Variants in DYRK1A observed in about 807,000 individuals in gnomAD.
DYRK1A encodes dual specificity tyrosine phosphorylation regulated kinase 1A.
Under a neutral mutation model 79.7 loss-of-function variants are expected in DYRK1A, and 9 were observed. The ratio of observed to expected loss-of-function variants is 0.11; its 90% confidence interval spans 0.07 to 0.20. The LOEUF (loss-of-function observed/expected upper bound fraction) is 0.20, where lower values mean the gene tolerates loss of function less well. Among genes scored for constraint, DYRK1A ranks in the 10% least tolerant of loss-of-function variants. The probability of loss-of-function intolerance (pLI) is 1.00; values close to 1 mark genes in which losing one functional copy is unlikely to be tolerated. For missense variants in DYRK1A, 622 were observed against 956.0 expected (o/e 0.65, Z 4.61); for synonymous variants, 349 against 329.7 (o/e 1.06, Z -0.63).
At chr21:37,462,736 T>C (rs1451777985) in intron 2 of DYRK1A, among the ~76,000 whole-genome samples, 1 of 152,158 alleles carries the variant, frequency 6.6e-6, no homozygotes, top group Admixed American at 6.5e-5. Context: ...GAGATTGCTG[T>C]GTTCTGTTTG....
chr21:37,502,811 C>T (rs934554631), intron 9 of DYRK1A: 2 of 152,156 alleles, frequency 1.3e-5, no homozygotes, highest in Admixed American at 6.5e-5. Flanking sequence ...TAAATTCTCT[C>T]AGCAGGTGTT....
At position 37,490,639 on chromosome 21, in the gene DYRK1A, A is replaced by G. The variant is rs190383148; in HGVS notation, c.924+178A>G. On this transcript the variant is annotated intron_variant, in intron 7 of 11. Transcript: ENST00000647188. ...AACCTAATAGATATTTGAAATGTTA[A>G]TAAGGTGTATACCATTTAGAGGCAA... Among the ~76,000 whole-genome samples, 117 of 150,564 alleles carry G rather than the reference A, an allele frequency of 7.8e-4. No homozygotes were observed. Among genetic ancestry groups the G allele is most frequent in the African/African-American group, 2.8e-3 (114 of 41,358 alleles).
intron 1 of DYRK1A, among the ~76,000 whole-genome samples, chr21:37,373,232 T>C (rs1569274244): frequency 6.6e-6 from 1 of 152,154 alleles, no homozygotes. Flanking sequence ...ATTTTGAGAA[T>C]GTGAAATGAG....
intron 2 of DYRK1A, among the ~76,000 whole-genome samples, chr21:37,451,371 T>G (rs1206236435): frequency 2.0e-5 from 1 of 51,002 alleles, no homozygotes; most frequent in Non-Finnish European, 4.6e-5. Flanking sequence ...CCTCCCTCCC[T>G]CCATCCCTCC....
intron 7 of DYRK1A, among the ~76,000 whole-genome samples, chr21:37,492,523 A>G (rs145523222): frequency 2.6e-5 from 4 of 152,322 alleles, no homozygotes; most frequent in South Asian, 4.1e-4. Flanking sequence ...TCTGGGATTT[A>G]TCTGTGAGAC....
intron 1 of DYRK1A, among the ~76,000 whole-genome samples, chr21:37,387,619 G>A (rs1024687962): frequency 2.0e-5 from 3 of 152,084 alleles, no homozygotes; most frequent in Non-Finnish European, 4.4e-5. Flanking sequence ...GATCCCTTTT[G>A]CATATTTTCC....
Position 37,432,565 on chromosome 21 carries a change from T to A in DYRK1A, c.10+12181T>A, listed in dbSNP as rs758756927. 5.7e-4 allele frequency among the ~76,000 whole-genome samples: 87 copies of A among 152,232 alleles called. 1 individual carries two copies. Among genetic ancestry groups the A allele is most frequent in the Non-Finnish European group, 9.7e-4 (66 of 68,014 alleles). On this transcript the variant is annotated intron_variant, in intron 2 of 11. Coordinates refer to ENST00000647188, the MANE Select transcript of DYRK1A (RefSeq NM_001347721.2). ...AATAAGATGGCTTCAAATTGAAAAA[T>A]TTTATCCACTTGATATTTTTCAAAA...
chr21:37,445,882 G>A (rs1446040583), intron 2 of DYRK1A, among the ~76,000 whole-genome samples: 2 of 152,292 alleles, frequency 1.3e-5, no homozygotes, highest in Admixed American at 6.5e-5. Context: ...AGTGGCTTAT[G>A]CCTGTAATCC....
intron 2 of DYRK1A, among the ~76,000 whole-genome samples, chr21:37,440,153 T>TTTTTTTTTTTTTTTTTTTA (rs61289767): frequency 2.5e-5 from 3 of 122,112 alleles, no homozygotes; most frequent in South Asian, 3.5e-4. Context: ...TTTTTTTTTT[T>TTTTTTTTTTTTTTTTTTTA]GAGACGGAGT....
intron 2 of DYRK1A, among the ~76,000 whole-genome samples, chr21:37,452,887 CA>C (rs2051505495): frequency 6.6e-6 from 1 of 151,766 alleles, no homozygotes; most frequent in Non-Finnish European, 1.5e-5. Flanking sequence ...TCTGGAACAG[CA>C]CTGCCAATAG....
At chr21:37,403,659 A>G (rs1487805043) in intron 1 of DYRK1A, among the ~76,000 whole-genome samples, 240 of 125,326 alleles carry the variant, frequency 1.9e-3, no homozygotes, top group African/African-American at 4.6e-3. Context: ...ATATATATAT[A>G]TATATGTGTG....
At chr21:37,460,403 C>T (rs954383935) in intron 2 of DYRK1A, among the ~76,000 whole-genome samples, 33 of 152,082 alleles carry the variant, frequency 2.2e-4, no homozygotes, top group African/African-American at 7.7e-4. Flanking sequence ...AGTCTTGCGG[C>T]GTTCACATCT....
intron 3 of DYRK1A, among the ~76,000 whole-genome samples, chr21:37,474,477 A>C (rs112289484): frequency 6.6e-6 from 1 of 152,220 alleles, no homozygotes; most frequent in African/African-American, 2.4e-5. Context: ...AGGGAGTCAT[A>C]TTAGAGGATC....
chr21:37,405,577 T>A (rs1602418125), intron 1 of DYRK1A, among the ~76,000 whole-genome samples: 1 of 152,268 alleles, frequency 6.6e-6, no homozygotes, highest in Middle Eastern at 3.4e-3. Context: ...GGATCTAGGA[T>A]TGAAAAGAAT....
rs1222214952 is a variant in DYRK1A, at chr21:37,512,027, T to C, written c.1761T>C (p.Asn587=). The C allele has an allele frequency of 6.2e-7, 1 of 1,614,032 alleles. No homozygotes were observed. Among genetic ancestry groups the C allele is most frequent in the Non-Finnish European group, 8.5e-7 (1 of 1,180,032 alleles). The part of the protein sequence containing the change: ...ETTFHVAPQQ[N]ALHHHHGNSS... ...CCTTTCATGTAGCCCCTCAACAGAA[T>C]GCATTGCATCATCACCATGGTAACA... Residue 587 remains asparagine, a synonymous_variant, in exon 12 of 12, where the codon AAT becomes AAC. Transcript: ENST00000647188.
At chr21:37,478,372 C>T in intron 4 of DYRK1A, 72 bp downstream of exon 4, 4 of 1,420,540 alleles carry the variant, frequency 2.8e-6, no homozygotes, top group Middle Eastern at 1.8e-4. Context: ...GACCTATTTA[C>T]CCTAAACTTT....
intron 8 of DYRK1A, among the ~76,000 whole-genome samples, chr21:37,494,233 T>G (rs1306967819): frequency 6.6e-6 from 1 of 152,038 alleles, no homozygotes; most frequent in Non-Finnish European, 1.5e-5. Context: ...GCTACTCTTT[T>G]ATAGTAACTG....
chr21:37,416,816 T>C (rs1487503130), intron 1 of DYRK1A, among the ~76,000 whole-genome samples: 4 of 151,988 alleles, frequency 2.6e-5, no homozygotes, highest in Non-Finnish European at 5.9e-5. Flanking sequence ...TATTTTATCT[T>C]TTCATATGGG....
chr21:37,503,769 A>G (rs1007292713), intron 9 of DYRK1A: 1 of 152,162 alleles, frequency 6.6e-6, no homozygotes, highest in African/African-American at 2.4e-5. Flanking sequence ...GAAATTCTAC[A>G]TCTATTCATA....
Sources: gnomAD v4.1 joint callset for allele counts (sites outside exome capture counted in the v4.1 genomes callset) on GRCh38, gnomAD v4.1.1 for gene constraint, MANE v1.5 for transcripts, NCBI Gene and HGNC (gene_info 2026-07-23, HGNC 2026-07-21) for gene names.